The following TNC variants were observed in gnomAD, a reference collection of about 807,000 sequenced individuals.
The protein encoded by TNC is tenascin.
TNC carries 109 observed loss-of-function variants against 202.4 expected under a neutral mutation model. The observed-to-expected ratio is 0.54, with a 90% CI of 0.46 to 0.63. The LOEUF is 0.63. Ranked by LOEUF, TNC falls within the 30% of genes least tolerant of loss-of-function variation. The pLI is 0.00. For missense variants in TNC, 2,756 were observed against 2,833.3 expected, an observed-to-expected ratio of 0.97 and a Z score of 0.62; for synonymous variants, 1,007 against 1,089.7, an observed-to-expected ratio of 0.92 and a Z score of 1.50.
At chr9:115,038,149 C>A in intron 20 of TNC, 112 bp downstream of exon 20, 1 of 1,409,896 alleles carries the variant, frequency 7.1e-7, no homozygotes, top group South Asian at 1.5e-5. Context: ...TCAACCTACC[C>A]ATGCATTTTT....
intron 4 of TNC, 106 bp from the exon 5 acceptor site, chr9:115,082,913 GC>G: frequency 1.3e-6 from 1 of 743,724 alleles, no homozygotes; most frequent in Non-Finnish European, 2.3e-6. Context: ...ACAGTCAGGG[GC>G]TGACAACCAG....
chr9:115,049,432 A>C (rs1831475466), intron 15 of TNC, among the ~76,000 whole-genome samples: 1 of 152,076 alleles, frequency 6.6e-6, no homozygotes, highest in Admixed American at 6.6e-5. Context: ...TCCAACCCCG[A>C]TCACATCTAA....
chr9:115,076,335 C>T, intron 8 of TNC, 55 bp downstream of exon 8: 1 of 1,592,858 alleles, frequency 6.3e-7, no homozygotes, highest in Non-Finnish European at 8.6e-7. Flanking sequence ...GGTGCCCATC[C>T]TTTAAGGGCC....
chr9:115,031,415 G>T, intron 23 of TNC, 138 bp downstream of exon 23: 5 of 1,000,346 alleles, frequency 5.0e-6, no homozygotes, highest in Non-Finnish European at 6.8e-6. Flanking sequence ...CTTTCCTCAG[G>T]CTTCCAAGTA....
chr9:115,031,796 T>G, intron 22 of TNC, 111 bp from the exon 23 acceptor site: 1 of 1,366,530 alleles, frequency 7.3e-7, no homozygotes. Context: ...ACTTACTTAC[T>G]GGACAAGAAT....
At chr9:115,068,785 A>C (rs1833139172) in intron 10 of TNC, among the ~76,000 whole-genome samples, 1 of 152,124 alleles carries the variant, frequency 6.6e-6, no homozygotes, top group South Asian at 2.1e-4. Flanking sequence ...TGGAAATGTC[A>C]TTACTCTTTC....
intron 14 of TNC, 67 bp downstream of exon 14, chr9:115,059,663 G>C: frequency 6.8e-7 from 1 of 1,473,316 alleles, no homozygotes; most frequent in Non-Finnish European, 9.1e-7. Flanking sequence ...TGCTGACTCC[G>C]CGCATGATCT....
intron 26 of TNC, among the ~76,000 whole-genome samples, chr9:115,026,316 C>T (rs563284899): frequency 6.6e-6 from 1 of 152,082 alleles, no homozygotes; most frequent in Non-Finnish European, 1.5e-5. Context: ...TCCTGATTGC[C>T]CTGATTCCCA....
In TNC at chr9:115,021,238, G is replaced by A. The variant is rs140629874; in HGVS notation, c.6525C>T (p.His2175=). The A allele has an allele frequency of 1.2e-5, 20 of 1,613,024 alleles. No homozygotes were observed. The highest frequency in any genetic ancestry group is 2.2e-5 in the South Asian group (2 of 91,024). ...TCTCAGCAAACTGGATTGAGTGTTC[G>A]TGGCCCTTCCAGTGGAACCAGTTAA... The part of the protein sequence containing the change: ...QGVNWFHWKG[H]EHSIQFAEMK... The change falls in exon 28 of 28, where the codon CAC becomes CAT. Residue 2175 remains histidine (H), a synonymous_variant. Coordinates refer to ENST00000350763, the MANE Select transcript of TNC (RefSeq NM_002160.4).
chr9:115,047,981 T>A (rs552722466), intron 16 of TNC, among the ~76,000 whole-genome samples: 1 of 152,096 alleles, frequency 6.6e-6, no homozygotes, highest in South Asian at 2.1e-4. Context: ...GACGATGATA[T>A]GAGGTAAGCA....
chr9:115,065,552 C>T (rs765441455), intron 10 of TNC, among the ~76,000 whole-genome samples: 1 of 152,154 alleles, frequency 6.6e-6, no homozygotes, highest in African/African-American at 2.4e-5. Context: ...TGGAACATGT[C>T]TTGCATCATA....
rs752376014 is a variant in TNC at position 115,090,635 on chromosome 9, C to G, written c.384G>C (p.Glu128Asp). ...TCAGGGAAGACACCAGGTTCTCCAG[C>G]TCCTCCAGTCTGCTCAGCAGCTCCT... Reference protein sequence around the residue: ...DVKELLSRLEELENLVSSLRE... With the variant: ...DVKELLSRLEDLENLVSSLRE... The change falls in exon 2 of 28, where the codon GAG becomes GAC. Residue 128 changes from glutamate (E) to aspartate (D), a missense_variant. By Grantham distance (45) the Glu-to-Asp change is conservative (BLOSUM62 2). Coordinates refer to ENST00000350763, the MANE Select transcript of TNC (RefSeq NM_002160.4). 1 of 1,611,308 alleles carries G rather than the reference C, an allele frequency of 6.2e-7. No homozygotes were observed. The highest frequency in any genetic ancestry group is 8.5e-7 in the Non-Finnish European group (1 of 1,178,092).
chr9:115,045,044 G>A (rs1831069144), intron 17 of TNC, among the ~76,000 whole-genome samples: 1 of 152,108 alleles, frequency 6.6e-6, no homozygotes, highest in South Asian at 2.1e-4. Context: ...AGAATAAGCT[G>A]GTCATTGGGC....
chr9:115,031,593 C>T lies in TNC; in HGVS notation c.5880G>A (p.Gly1960=). ...HYTAKIQALN[G]PLRSNMIQTI... is the part of the protein sequence containing the mutation. ...TCTGGATCATATTGCTCCTCAGGGG[C>T]CCATTGAGTGCCTGGATCTTGGCTG... The change falls in exon 23 of 28, where the codon GGG becomes GGA. Residue 1960 remains glycine, a synonymous_variant. Transcript: ENST00000350763. The T allele has an allele frequency of 6.2e-7, 1 of 1,609,220 alleles. No homozygotes were observed. The highest frequency in any genetic ancestry group is 8.5e-7 in the Non-Finnish European group (1 of 1,177,740).
rs1448483696 is a variant in TNC at position 115,020,888 on chromosome 9, T to G, written c.*269A>C. ...GAGCCACCTAAGAGAAGTAAAAAAC[T>G]ATTGCGATGTTGTCACTGGGAGATT... On this transcript the variant is annotated 3_prime_UTR_variant, in exon 28 of 28. Coordinates refer to ENST00000350763, the MANE Select transcript of TNC (RefSeq NM_002160.4). The G allele has an allele frequency of 4.7e-6, 2 of 427,958 alleles. No homozygotes were observed. The highest frequency in any genetic ancestry group is 8.4e-6 in the Non-Finnish European group (2 of 239,404). 26.5% of individuals were successfully genotyped at this position (427,958 alleles called of 1,614,324 possible).
In TNC at chr9:115,086,727, C is replaced by T; in HGVS notation, c.1004G>A (p.Gly335Asp). The T allele has an allele frequency of 1.2e-6, 2 of 1,614,030 alleles. No individual in the cohort carries two copies. Among genetic ancestry groups the T allele is most frequent in the South Asian group, 1.1e-5 (1 of 91,092 alleles). Residue 335 changes from glycine (G) to aspartate (D), a missense_variant, in exon 3 of 28, where the codon GGC (glycine) becomes GAC (aspartate). By Grantham distance (94) the Gly-to-Asp change is moderately conservative. Around this residue, in one of 2 missense-constraint regions of TNC, gnomAD observed 2,559 missense variants for 2,546.0 expected, o/e 1.01. Coordinates refer to ENST00000350763, the MANE Select transcript of TNC (RefSeq NM_002160.4). ...CINGTCYCEE[G>D]FTGEDCGKPT... is the part of the protein sequence containing the mutation. Reference sequence around the variant, plus strand: ...TTTCCCGCAGTCTTCACCTGTGAAGCCTTCTTCGCAGTAGCAGGTGCCATT... The same window carrying T: ...TTTCCCGCAGTCTTCACCTGTGAAGTCTTCTTCGCAGTAGCAGGTGCCATT...
At chr9:115,095,991 C>A (rs1835761974) in intron 1 of TNC, among the ~76,000 whole-genome samples, 1 of 152,136 alleles carries the variant, frequency 6.6e-6, no homozygotes, top group South Asian at 2.1e-4. Context: ...TATTTCCAAG[C>A]TAAGCATGTT....
At chr9:115,048,861 T>C (rs1018364338) in intron 15 of TNC, among the ~76,000 whole-genome samples, 1 of 152,142 alleles carries the variant, frequency 6.6e-6, no homozygotes, top group African/African-American at 2.4e-5. Context: ...AAAGGCCATG[T>C]AGTTCTTTAT....
intron 1 of TNC, among the ~76,000 whole-genome samples, chr9:115,095,167 A>C (rs1366803178): frequency 6.6e-6 from 1 of 152,072 alleles, no homozygotes; most frequent in East Asian, 1.9e-4. Flanking sequence ...GTGTTAAGGG[A>C]GTCCTCATAG....
Sources: gnomAD v4.1 joint callset for allele counts (sites outside exome capture counted in the v4.1 genomes callset) on GRCh38, gnomAD v4.1.1 for gene constraint, gnomAD v4.1.1 regional missense constraint, MANE v1.5 for transcripts, NCBI Gene and HGNC (gene_info 2026-07-23, HGNC 2026-07-21) for gene names.